Variants in COL9A1 observed in about 807,000 individuals in gnomAD.
COL9A1 encodes collagen alpha-1(IX) chain.
In COL9A1, 104 loss-of-function variants were observed where a neutral mutation model predicts 142.6. The ratio of observed to expected loss-of-function variants is 0.73; its 90% CI spans 0.62 to 0.86. The LOEUF (loss-of-function observed/expected upper bound fraction) is 0.86. COL9A1 is among the 40% of genes least tolerant of loss of function. The pLI, the probability that COL9A1 is intolerant of heterozygous loss-of-function variation, is 0.00. For synonymous variants in COL9A1, 466 were observed against 396.0 expected (o/e 1.18, Z -2.10); for missense variants, 1,210 against 1,176.6 (o/e 1.03, Z -0.42).
intron 4 of COL9A1, among the ~76,000 whole-genome samples, chr6:70,296,286 G>C (rs1368035420): frequency 6.6e-6 from 1 of 151,600 alleles, no homozygotes; most frequent in Non-Finnish European, 1.5e-5. Flanking sequence ...TTTGTATTTA[G>C]GGTATGGGAT....
chr6:70,242,308 G>A (rs912498141), intron 29 of COL9A1, among the ~76,000 whole-genome samples: 2 of 151,582 alleles, frequency 1.3e-5, no homozygotes, highest in Admixed American at 1.3e-4. Context: ...CGCCACCCCC[G>A]CACTGCCTGC....
At chr6:70,296,527 C>A (rs1562332651) in intron 4 of COL9A1, among the ~76,000 whole-genome samples, 1 of 152,062 alleles carries the variant, frequency 6.6e-6, no homozygotes, top group Non-Finnish European at 1.5e-5. Context: ...TCCTGTTTAT[C>A]AATCAGTTTG....
At chr6:70,244,562 TGGGG>T (rs1770469571) in intron 28 of COL9A1, among the ~76,000 whole-genome samples, 2 of 152,150 alleles carry the variant, frequency 1.3e-5, no homozygotes, top group East Asian at 3.8e-4. Flanking sequence ...TAGTAATTGG[TGGGG>T]AAAAGTTAAT....
chr6:70,280,246 C>A, intron 10 of COL9A1: 1 of 1,219,568 alleles, frequency 8.2e-7, no homozygotes, highest in Non-Finnish European at 1.0e-6. Context: ...CATGGAAAGA[C>A]GAAAATCTAG....
intron 17 of COL9A1, among the ~76,000 whole-genome samples, chr6:70,267,713 C>G (rs185898568): frequency 1.3e-5 from 2 of 152,316 alleles, no homozygotes; most frequent in Admixed American, 6.5e-5. Context: ...CTTTTCTTGT[C>G]AGGCCACTTG....
chr6:70,235,879 C>T (rs906829918), intron 33 of COL9A1, among the ~76,000 whole-genome samples: 1 of 151,966 alleles, frequency 6.6e-6, no homozygotes, highest in African/African-American at 2.4e-5. Flanking sequence ...CTTTGGGAGG[C>T]CCAGGTGGGC....
In COL9A1 at chr6:70,284,236, A is replaced by G. The variant is rs1267289532; in HGVS notation, c.697-416T>C. On this transcript the variant is annotated intron_variant, in intron 5 of 37. Coordinates refer to ENST00000357250, the MANE Select transcript of COL9A1 (RefSeq NM_001851.6). ...GAAACCCAGGGCTATTGAACTCTAC[A>G]GGGAATATATGCTGTAAGATTTTAG... Among the ~76,000 whole-genome samples the G allele has an allele frequency of 5.9e-5, 9 of 152,250 alleles. No individual in the cohort carries two copies. In the South Asian group the frequency reaches 1.9e-3, roughly 32 times the overall value.
At chr6:70,292,001 CT>C (rs1300724747) in intron 5 of COL9A1, among the ~76,000 whole-genome samples, 5 of 152,094 alleles carry the variant, frequency 3.3e-5, no homozygotes, top group African/African-American at 1.2e-4. Context: ...ATTTCAAAAA[CT>C]TTGAATTGGT....
At chr6:70,282,944 G>A (rs1386791548) in intron 6 of COL9A1, 26 bp from the exon 7 acceptor site, 1 of 1,614,216 alleles carries the variant, frequency 6.2e-7, no homozygotes, top group Admixed American at 1.7e-5. Flanking sequence ...TGGGGAGAAA[G>A]TGAGAAAAGC....
At chr6:70,266,058 C>G (rs944664919) in intron 18 of COL9A1, among the ~76,000 whole-genome samples, 1 of 152,144 alleles carries the variant, frequency 6.6e-6, no homozygotes, top group Non-Finnish European at 1.5e-5. Context: ...AAGTCAAATT[C>G]TTAGATACTC....
intron 37 of COL9A1, among the ~76,000 whole-genome samples, chr6:70,225,685 C>T (rs1317349323): frequency 6.6e-6 from 1 of 152,008 alleles, no homozygotes; most frequent in Non-Finnish European, 1.5e-5. Context: ...GACCTTGACA[C>T]TATTTTTCTT....
At chr6:70,288,638 G>A (rs1421923476) in intron 5 of COL9A1, among the ~76,000 whole-genome samples, 1 of 152,098 alleles carries the variant, frequency 6.6e-6, no homozygotes, top group Non-Finnish European at 1.5e-5. Flanking sequence ...CTGGCTGCCA[G>A]GGAGTTCTCA....
intron 25 of COL9A1, 98 bp from the exon 26 acceptor site, chr6:70,253,527 T>C (rs1474118705): frequency 2.3e-6 from 2 of 875,076 alleles, no homozygotes; most frequent in Admixed American, 1.9e-5. Context: ...GAGGGAATCA[T>C]GATAACCTCA....
chr6:70,281,698 T>C (rs1288361905), intron 7 of COL9A1, among the ~76,000 whole-genome samples: 2 of 152,088 alleles, frequency 1.3e-5, no homozygotes, highest in South Asian at 2.1e-4. Flanking sequence ...CCCCCAAGGT[T>C]GGGGGAGGCT....
At chr6:70,238,917 T>C (rs1251374780) in intron 33 of COL9A1, among the ~76,000 whole-genome samples, 1 of 152,218 alleles carries the variant, frequency 6.6e-6, no homozygotes, top group African/African-American at 2.4e-5. Flanking sequence ...GGTGGGCAGA[T>C]CACCTGAGGT....
chr6:70,233,170 A>G (rs1200648423), intron 35 of COL9A1, among the ~76,000 whole-genome samples: 2 of 152,158 alleles, frequency 1.3e-5, no homozygotes, highest in African/African-American at 4.8e-5. Flanking sequence ...CATATGTGGA[A>G]GCAGATGTCC....
At chr6:70,285,063 A>T (rs887429341) in intron 5 of COL9A1, among the ~76,000 whole-genome samples, 1 of 152,262 alleles carries the variant, frequency 6.6e-6, no homozygotes, top group Non-Finnish European at 1.5e-5. Flanking sequence ...CAGAAAACCT[A>T]TATCTTTTGT....
chr6:70,217,598 TA>T (rs1768606797), intron 37 of COL9A1, among the ~76,000 whole-genome samples: 1 of 152,244 alleles, frequency 6.6e-6, no homozygotes, highest in Non-Finnish European at 1.5e-5. Flanking sequence ...CTACTTGATT[TA>T]AAATCATACA....
intron 10 of COL9A1, 188 bp downstream of exon 10, chr6:70,280,624 T>C (rs1340198691): frequency 6.2e-6 from 8 of 1,299,042 alleles, no homozygotes; most frequent in African/African-American, 3.0e-5. Context: ...TATCCTCACC[T>C]TCACAAGTCC....
Sources: gnomAD v4.1 joint callset for allele counts (sites outside exome capture counted in the v4.1 genomes callset) on GRCh38, gnomAD v4.1.1 for gene constraint, MANE v1.5 for transcripts, NCBI Gene and HGNC (gene_info 2026-07-23, HGNC 2026-07-21) for gene names.